The following PDGFRB variants were observed in gnomAD, a reference collection of about 807,000 sequenced individuals.
PDGFRB encodes platelet-derived growth factor receptor beta.
A neutral mutation model predicts 120.2 loss-of-function variants in PDGFRB; 42 were observed. The ratio of observed to expected loss-of-function variants is 0.35; its 90% CI spans 0.27 to 0.45. The LOEUF (loss-of-function observed/expected upper bound fraction) is 0.45, where lower values mean the gene tolerates loss of function less well. PDGFRB is among the 20% of genes least tolerant of loss of function. PDGFRB has a pLI of 1.00. For synonymous variants in PDGFRB, 586 were observed against 606.8 expected, an observed-to-expected ratio of 0.97 and a Z score of 0.50; for missense variants, 1,149 against 1,476.3, an observed-to-expected ratio of 0.78 and a Z score of 3.63.
In PDGFRB at chr5:150,121,118, C is replaced by T; in HGVS notation, c.2463+86G>A. The T allele has an allele frequency of 7.2e-7, 1 of 1,395,486 alleles. No homozygotes were observed. The highest frequency in any genetic ancestry group is 1.0e-6 in the Non-Finnish European group (1 of 980,690). 86.4% of individuals were successfully genotyped at this position (1,395,486 alleles called of 1,614,324 possible). A position where few individuals can be genotyped will look rare whatever the true frequency, so the allele number is the denominator to read the frequency against. On this transcript the variant is annotated intron_variant, in intron 17 of 22. Coordinates refer to ENST00000261799, the MANE Select transcript of PDGFRB (RefSeq NM_002609.4). The surrounding 1 kb of genome is among the most constrained non-coding windows in gnomAD (Gnocchi z 4.1). The stretch of plus-strand genomic sequence containing the variant: ...AACACTGCCCATGTGCGAGAGGCCA[C>T]CCTGGTGTGCTCTTGGAGGATGCTG...
chr5:150,155,129 A>C (rs182886093), intron 1 of PDGFRB, among the ~76,000 whole-genome samples: 2 of 151,860 alleles, frequency 1.3e-5, no homozygotes, highest in African/African-American at 4.8e-5. Flanking sequence ...CCCAGTCAGC[A>C]CCCAGAAACC....
rs138233132 is a variant in PDGFRB at position 150,129,329 on chromosome 5, T to C, written c.1579+428A>G. ...CTTACAAACACGTGGTGGGTTTACA[T>C]ACATGGACAGGCATAGTGCACAGGT... On this transcript the variant is annotated intron_variant, in intron 10 of 22. Coordinates refer to ENST00000261799, the MANE Select transcript of PDGFRB (RefSeq NM_002609.4). Among the ~76,000 whole-genome samples, 1,233 of 152,136 alleles carry C rather than the reference T, an allele frequency of 8.1e-3. 14 individuals carry two copies. Among genetic ancestry groups the C allele is most frequent in the African/African-American group, 0.028 (1,142 of 41,514 alleles).
intron 1 of PDGFRB, among the ~76,000 whole-genome samples, chr5:150,141,004 C>T (rs1471309065): frequency 6.6e-6 from 1 of 152,190 alleles, no homozygotes; most frequent in Non-Finnish European, 1.5e-5. Context: ...CCCTGCATTG[C>T]TGCGGGGGTT....
intron 12 of PDGFRB, 56 bp from the exon 13 acceptor site, chr5:150,124,887 C>A: frequency 1.2e-6 from 1 of 802,992 alleles, no homozygotes; most frequent in South Asian, 1.7e-5. Flanking sequence ...CACCGCTCCC[C>A]CAGCTGCCCC....
chr5:150,133,695 G>A lies in PDGFRB; in HGVS notation c.825C>T (p.Ile275=). 3 of 1,614,080 alleles carry A rather than the reference G, an allele frequency of 1.9e-6. No individual in the cohort carries two copies. Among genetic ancestry groups the A allele is most frequent in the Non-Finnish European group, 2.5e-6 (3 of 1,179,958 alleles). The change falls in exon 6 of 23, where the codon ATC becomes ATT. Residue 275 remains isoleucine, a synonymous_variant. Transcript: ENST00000261799. ...CTAACTCGGCACTGGGGATGTGCAG[G>A]ATGGAGCGGATGTGGTAAGGCATAT... ...LLDMPYHIRS[I]LHIPSAELED... is the part of the protein sequence containing the mutation.
Position 150,121,036 on chromosome 5 carries a change from G to A in PDGFRB, c.2464-26C>T. ...CTGGGTTTGGGGAGAGGGGAGCTGA[G>A]GCCTTGGGGACAATTGTGGGGAAAG... On this transcript the variant is annotated intron_variant, in intron 17 of 22. Coordinates refer to ENST00000261799, the MANE Select transcript of PDGFRB (RefSeq NM_002609.4). This position sits in a 1 kb window ranked among gnomAD's most constrained non-coding sequence, Gnocchi z 4.1. 2 of 1,612,796 alleles carry A rather than the reference G, an allele frequency of 1.2e-6. No homozygotes were observed. The highest frequency in any genetic ancestry group is 1.7e-6 in the Non-Finnish European group (2 of 1,178,872).
Sources: allele counts gnomAD v4.1 joint callset (sites outside exome capture counted in the v4.1 genomes callset), GRCh38; gene constraint gnomAD v4.1.1; non-coding constraint Gnocchi (gnomAD v3.1); transcripts MANE v1.5; gene names NCBI Gene and HGNC (gene_info 2026-07-23, HGNC 2026-07-21).